Variants in MAST4 observed in about 807,000 individuals in gnomAD.
MAST4 encodes microtubule associated serine/threonine kinase family member 4.
Under a neutral mutation model 162.7 loss-of-function variants are expected in MAST4, and 89 were observed. That is an observed-to-expected ratio of 0.55 (90% confidence interval 0.46 to 0.65). The LOEUF is 0.65. Ranked by LOEUF, MAST4 falls within the 30% of genes least tolerant of loss-of-function variation. The probability of loss-of-function intolerance (pLI) is 0.00; values close to 1 mark genes in which losing one functional copy is unlikely to be tolerated. For synonymous variants in MAST4, 1,479 were observed against 1,361.1 expected (o/e 1.09, Z -1.91); for missense variants, 3,153 against 3,374.0 (o/e 0.93, Z 1.62).
chr5:67,029,735 A>C (rs2150425377), intron 4 of MAST4, among the ~76,000 whole-genome samples: 1 of 152,278 alleles, frequency 6.6e-6, no homozygotes, highest in East Asian at 1.9e-4. Flanking sequence ...TGAAGAATGA[A>C]AGTGAGGTGG....
intron 1 of MAST4, among the ~76,000 whole-genome samples, chr5:66,628,140 C>G (rs1178347938): frequency 6.6e-6 from 1 of 152,064 alleles, no homozygotes; most frequent in Non-Finnish European, 1.5e-5. Flanking sequence ...TCAAGTGATC[C>G]TCCCACTCTA....
At chr5:66,775,725 A>T (rs890326027) in intron 2 of MAST4, among the ~76,000 whole-genome samples, 1 of 152,180 alleles carries the variant, frequency 6.6e-6, no homozygotes, top group African/African-American at 2.4e-5. Flanking sequence ...AACTTTCCTC[A>T]TAAGGGAGGA....
At chr5:67,080,982 ATATAATTGT>A (rs1762538692) in intron 5 of MAST4, among the ~76,000 whole-genome samples, 2 of 131,826 alleles carry the variant, frequency 1.5e-5, no homozygotes, top group East Asian at 2.0e-4. Flanking sequence ...TATATAATAT[ATATAATTGT>A]ATATATTATA....
At chr5:67,036,661 A>G (rs2150463607) in intron 4 of MAST4, among the ~76,000 whole-genome samples, 1 of 152,314 alleles carries the variant, frequency 6.6e-6, no homozygotes, top group African/African-American at 2.4e-5. Flanking sequence ...ATACTGTGTA[A>G]ATAGATCTTA....
chr5:66,777,000 C>T lies in MAST4; in HGVS notation c.518-11670C>T, dbSNP rs74951038. 5.1e-3 allele frequency among the ~76,000 whole-genome samples: 773 copies of T among 152,286 alleles called. 9 individuals are homozygous for T. Among genetic ancestry groups the T allele is most frequent in the African/African-American group, 0.018 (745 of 41,546 alleles). On this transcript the variant is annotated intron_variant, in intron 2 of 28. Coordinates refer to ENST00000403625, the MANE Select transcript of MAST4 (RefSeq NM_001164664.2). ...TCCTGGAGGGGGACCTGAACTATCA[C>T]TGAGCACAAATTCTGTGTTCAGTTT...
intron 4 of MAST4, among the ~76,000 whole-genome samples, chr5:66,992,418 C>G (rs1750163970): frequency 2.6e-5 from 4 of 152,162 alleles, no homozygotes; most frequent in African/African-American, 9.7e-5. Flanking sequence ...CCTTGGGAAG[C>G]CTGTCTCTAA....
chr5:66,754,910 G>A lies in MAST4; in HGVS notation c.364-4799G>A, dbSNP rs373291510. Reference sequence around the variant, plus strand: ...CAATAGCTAATATCTGGAATGTGTCGCAGGTAGAGGAAATGATAAATGTAA... The same window carrying A: ...CAATAGCTAATATCTGGAATGTGTCACAGGTAGAGGAAATGATAAATGTAA... On this transcript the variant is annotated intron_variant, in intron 1 of 28. Coordinates refer to ENST00000403625, the MANE Select transcript of MAST4 (RefSeq NM_001164664.2). 7.9e-4 allele frequency among the ~76,000 whole-genome samples: 121 copies of A among 152,262 alleles called. 1 individual carries two copies. The highest frequency in any genetic ancestry group is 2.6e-3 in the African/African-American group (108 of 41,542).
intron 5 of MAST4, among the ~76,000 whole-genome samples, chr5:67,078,868 ATATT>A (rs1278969597): frequency 8.6e-5 from 10 of 115,730 alleles, no homozygotes; most frequent in Non-Finnish European, 1.2e-4. Flanking sequence ...ATATAAATAT[ATATT>A]TATATAAATA....
chr5:66,926,670 G>A (rs1055467683), intron 4 of MAST4, among the ~76,000 whole-genome samples: 9 of 150,686 alleles, frequency 6.0e-5, no homozygotes, highest in African/African-American at 9.8e-5. Flanking sequence ...ATGTGTGTGT[G>A]TATATATATA....
intron 4 of MAST4, among the ~76,000 whole-genome samples, chr5:66,921,538 C>T (rs1431133124): frequency 1.3e-5 from 2 of 152,200 alleles, no homozygotes; most frequent in African/African-American, 2.4e-5. Context: ...AGGCAGATCA[C>T]TTGAGCTTAG....
chr5:67,001,347 C>G (rs1751271043), intron 4 of MAST4: 1 of 152,108 alleles, frequency 6.6e-6, no homozygotes, highest in Admixed American at 6.5e-5. Flanking sequence ...GTACAATCCA[C>G]TTTCGCTCAC....
At chr5:67,075,596 GAAAAA>G (rs201738081) in intron 5 of MAST4, among the ~76,000 whole-genome samples, 2 of 149,906 alleles carry the variant, frequency 1.3e-5, no homozygotes, top group African/African-American at 4.9e-5. Context: ...TTATCTTTTA[GAAAAA>G]AAAAGTAAAT....
At chr5:66,999,828 C>A (rs1045964386) in intron 4 of MAST4, among the ~76,000 whole-genome samples, 2 of 152,118 alleles carry the variant, frequency 1.3e-5, no homozygotes, top group Non-Finnish European at 2.9e-5. Flanking sequence ...GATGATACAA[C>A]CTTGCCTATT....
intron 4 of MAST4, among the ~76,000 whole-genome samples, chr5:67,015,346 C>T (rs1301830243): frequency 6.6e-6 from 1 of 152,280 alleles, no homozygotes; most frequent in East Asian, 1.9e-4. Context: ...TAGGTGTGTC[C>T]AGCAGGCAGT....
At chr5:66,892,859 A>T (rs1264283715) in intron 3 of MAST4, among the ~76,000 whole-genome samples, 2 of 152,148 alleles carry the variant, frequency 1.3e-5, no homozygotes, top group African/African-American at 4.8e-5. Context: ...TGGGCTTTCC[A>T]TGGGAAGACT....
At chr5:66,809,957 C>G (rs534859233) in intron 3 of MAST4, among the ~76,000 whole-genome samples, 1 of 152,270 alleles carries the variant, frequency 6.6e-6, no homozygotes, top group East Asian at 1.9e-4. Flanking sequence ...TGCTTTTGAA[C>G]TTATTCTGAA....
At chr5:66,692,518 G>T (rs935809256) in intron 1 of MAST4, among the ~76,000 whole-genome samples, 1 of 151,858 alleles carries the variant, frequency 6.6e-6, no homozygotes, top group African/African-American at 2.4e-5. Flanking sequence ...ATGAACCAGG[G>T]CTATTCCGCA....
At chr5:66,785,353 G>A (rs746321415) in intron 2 of MAST4, among the ~76,000 whole-genome samples, 15 of 152,118 alleles carry the variant, frequency 9.9e-5, no homozygotes, top group Non-Finnish European at 1.9e-4. Context: ...AATAATATAT[G>A]TTATTTTGTG....
At chr5:66,833,404 A>C (rs889831406) in intron 3 of MAST4, among the ~76,000 whole-genome samples, 1 of 152,138 alleles carries the variant, frequency 6.6e-6, no homozygotes, top group African/African-American at 2.4e-5. Flanking sequence ...CCCATCTCCT[A>C]TTCATCCTGC....
Sources: gnomAD v4.1 joint callset for allele counts (sites outside exome capture counted in the v4.1 genomes callset) on GRCh38, gnomAD v4.1.1 for gene constraint, MANE v1.5 for transcripts, NCBI Gene and HGNC (gene_info 2026-07-23, HGNC 2026-07-21) for gene names.